The following SESN1 variants were observed in gnomAD, a reference collection of about 807,000 sequenced individuals.
The protein encoded by SESN1 is sestrin 1.
SESN1 carries 30 observed loss-of-function variants against 59.3 expected under a neutral mutation model. The observed-to-expected ratio is 0.51, with a 90% CI of 0.38 to 0.69. The LOEUF (loss-of-function observed/expected upper bound fraction) is 0.69, where lower values mean the gene tolerates loss of function less well. Ranked by LOEUF, SESN1 falls within the 30% of genes least tolerant of loss-of-function variation. The pLI, the probability that SESN1 is intolerant of heterozygous loss-of-function variation, is 0.00. For synonymous variants in SESN1, 197 were observed against 219.9 expected, an observed-to-expected ratio of 0.90 and a Z score of 0.92; for missense variants, 566 against 673.0, an observed-to-expected ratio of 0.84 and a Z score of 1.76.
intron 1 of SESN1, among the ~76,000 whole-genome samples, chr6:109,032,613 A>G (rs1004407883): frequency 3.4e-5 from 5 of 144,950 alleles, no homozygotes; most frequent in Admixed American, 6.7e-5. Flanking sequence ...GCAAGACTTC[A>G]TCTCGTGGGG....
chr6:108,989,385 C>G (rs1247496451), intron 8 of SESN1, among the ~76,000 whole-genome samples: 2 of 151,168 alleles, frequency 1.3e-5, no homozygotes, highest in African/African-American at 4.8e-5. Flanking sequence ...CTAGTACTTT[C>G]TCTCTCTCTA....
chr6:109,054,346 A>G (rs1315068126), intron 1 of SESN1, among the ~76,000 whole-genome samples: 1 of 152,196 alleles, frequency 6.6e-6, no homozygotes, highest in Admixed American at 6.5e-5. Flanking sequence ...GTTTAACAGA[A>G]GAGAATGATA....
chr6:109,026,824 T>C (rs1398523719), intron 1 of SESN1, among the ~76,000 whole-genome samples: 4 of 152,024 alleles, frequency 2.6e-5, no homozygotes, highest in African/African-American at 9.7e-5. Flanking sequence ...CTTAAGTAAC[T>C]GCCAAACTGT....
chr6:109,038,404 A>C (rs1355058115), intron 1 of SESN1, among the ~76,000 whole-genome samples: 1 of 152,228 alleles, frequency 6.6e-6, no homozygotes, highest in African/African-American at 2.4e-5. Context: ...AGGCAGGAGA[A>C]TTGCTTGAAC....
At chr6:108,993,077 G>A in intron 6 of SESN1, 178 bp from the exon 7 acceptor site, 1 of 534,146 alleles carries the variant, frequency 1.9e-6, no homozygotes, top group Non-Finnish European at 3.3e-6. Flanking sequence ...TGTAGTAAAA[G>A]GAGATTTTCT....
chr6:109,063,982 A>G (rs767694411), intron 1 of SESN1, among the ~76,000 whole-genome samples: 11 of 152,130 alleles, frequency 7.2e-5, no homozygotes, highest in Non-Finnish European at 1.5e-4. Flanking sequence ...TACTTTACCC[A>G]TATCAATGCT....
chr6:108,989,283 G>A (rs992477587), intron 8 of SESN1, among the ~76,000 whole-genome samples: 6 of 152,156 alleles, frequency 3.9e-5, no homozygotes, highest in African/African-American at 1.4e-4. Flanking sequence ...GATTATGGGC[G>A]TGAGCCACCG....
chr6:109,031,239 A>G (rs71558340), intron 1 of SESN1, among the ~76,000 whole-genome samples: 3 of 152,172 alleles, frequency 2.0e-5, no homozygotes, highest in Non-Finnish European at 4.4e-5. Context: ...GGTAGTCTAT[A>G]AAGTCAGTAA....
chr6:109,081,484 T>A (rs1484683376), intron 1 of SESN1, among the ~76,000 whole-genome samples: 1 of 152,218 alleles, frequency 6.6e-6, no homozygotes, highest in Non-Finnish European at 1.5e-5. Flanking sequence ...AATAAAAATA[T>A]CTACTCATAC....
At chr6:109,090,539 G>A (rs1394165980) in intron 1 of SESN1, 1 of 152,136 alleles carries the variant, frequency 6.6e-6, no homozygotes, top group Non-Finnish European at 1.5e-5. Context: ...AATAAAATAA[G>A]CTAGAGAAAA....
chr6:108,996,043 G>T (rs755797113), intron 5 of SESN1, among the ~76,000 whole-genome samples: 1 of 151,970 alleles, frequency 6.6e-6, no homozygotes, highest in Non-Finnish European at 1.5e-5. Context: ...ATTGTTACTC[G>T]CATGATATTG....
intron 1 of SESN1, among the ~76,000 whole-genome samples, chr6:109,051,435 C>A (rs1780540156): frequency 6.6e-6 from 1 of 152,012 alleles, no homozygotes; most frequent in African/African-American, 2.4e-5. Context: ...GTGAGTAATA[C>A]TATATGAATG....
intron 9 of SESN1, among the ~76,000 whole-genome samples, 174 bp from the exon 10 acceptor site, chr6:108,987,804 A>ATTTTT (rs1779239798): frequency 9.4e-6 from 1 of 106,618 alleles, no homozygotes; most frequent in African/African-American, 4.1e-5. Flanking sequence ...AACAGCAGCT[A>ATTTTT]TCTTTTTTTT....
intron 3 of SESN1, 59 bp downstream of exon 3, chr6:109,001,229 T>C: frequency 1.4e-6 from 2 of 1,391,302 alleles, no homozygotes; most frequent in Non-Finnish European, 2.0e-6. Flanking sequence ...GCATTAACTG[T>C]CTCTTAAAGA....
At chr6:109,045,739 A>G (rs1274046245) in intron 1 of SESN1, among the ~76,000 whole-genome samples, 3 of 152,172 alleles carry the variant, frequency 2.0e-5, no homozygotes, top group Non-Finnish European at 2.9e-5. Flanking sequence ...ATTCTCTTGC[A>G]TGGCACTTAC....
chr6:109,047,802 C>G (rs939439223), intron 1 of SESN1, among the ~76,000 whole-genome samples: 3 of 144,362 alleles, frequency 2.1e-5, no homozygotes, highest in Non-Finnish European at 4.6e-5. Context: ...TACCCCCAAC[C>G]CTGTGCTCTC....
chr6:109,053,460 G>C (rs934339187), intron 1 of SESN1, among the ~76,000 whole-genome samples: 2 of 152,314 alleles, frequency 1.3e-5, no homozygotes, highest in African/African-American at 2.4e-5. Context: ...GAGGGGAAGA[G>C]AGAACATTCC....
intron 1 of SESN1, among the ~76,000 whole-genome samples, chr6:109,091,062 A>G (rs1460062169): frequency 6.6e-6 from 1 of 152,108 alleles, no homozygotes; most frequent in African/African-American, 2.4e-5. Flanking sequence ...GGTGTGAGCC[A>G]CCCCGCCCAA....
intron 1 of SESN1, among the ~76,000 whole-genome samples, chr6:109,054,157 T>C (rs73518352): frequency 0.011 from 1,625 of 152,248 alleles, 38 homozygotes; most frequent in African/African-American, 0.037. Flanking sequence ...TTCTGCCGAT[T>C]ATTCATACCA....
Sources: gnomAD v4.1 joint callset for allele counts (sites outside exome capture counted in the v4.1 genomes callset) on GRCh38, gnomAD v4.1.1 for gene constraint, MANE v1.5 for transcripts, NCBI Gene and HGNC (gene_info 2026-07-23, HGNC 2026-07-21) for gene names.